Variants in TSPEAR observed in about 807,000 individuals in gnomAD.
TSPEAR encodes the protein thrombospondin-type laminin G domain and EAR repeat-containing protein.
A neutral mutation model predicts 71.6 loss-of-function variants in TSPEAR; 69 were observed. The observed-to-expected ratio is 0.96, with a 90% CI of 0.79 to 1.18. The LOEUF (loss-of-function observed/expected upper bound fraction) is 1.18, where lower values mean the gene tolerates loss of function less well. Ranked by LOEUF, TSPEAR falls within the 50% of genes most tolerant of loss-of-function variation. The pLI is 0.00. For missense variants in TSPEAR, 971 were observed against 894.9 expected (o/e 1.09, Z -1.09); for synonymous variants, 402 against 387.2 (o/e 1.04, Z -0.45).
chr21:44,553,278 C>T (rs1369154790), intron 2 of TSPEAR, among the ~76,000 whole-genome samples: 1 of 152,158 alleles, frequency 6.6e-6, no homozygotes, highest in African/African-American at 2.4e-5. Context: ...GTGACAGAAC[C>T]AGGACTAGAA....
At chr21:44,676,452 G>A in intron 1 of TSPEAR, 6 of 1,059,868 alleles carry the variant, frequency 5.7e-6, no homozygotes, top group East Asian at 4.7e-5. Context: ...AGGCTTTTCT[G>A]GCTTCCTCTT....
intron 1 of TSPEAR, among the ~76,000 whole-genome samples, chr21:44,589,926 C>T (rs999813398): frequency 6.6e-6 from 1 of 152,232 alleles, no homozygotes; most frequent in African/African-American, 2.4e-5. Flanking sequence ...CCCGGAGAAC[C>T]AGGGCAGGAA....
At chr21:44,523,232 AGTCAGGTAGTTGGTCAG>A (rs1555914514) in intron 8 of TSPEAR, among the ~76,000 whole-genome samples, 1 of 151,370 alleles carries the variant, frequency 6.6e-6, no homozygotes. Flanking sequence ...TTAATTTGTC[AGTCAGGTAGTTGGTCAG>A]TCAGTCAGTT....
chr21:44,540,001 C>T lies in TSPEAR; in HGVS notation c.304-6078G>A, dbSNP rs782031128. ...GGCAGCAGGGGCTGGACACACGGCT[C>T]ACTGGGGTGCAGACCAGGGTCAGGC... On this transcript the variant is annotated intron_variant, in intron 2 of 11. Coordinates refer to ENST00000323084, the MANE Select transcript of TSPEAR (RefSeq NM_144991.3). The T allele has an allele frequency of 3.5e-5, 56 of 1,612,934 alleles. No homozygotes were observed. The Admixed American group carries it at 7.3e-4, about 21-fold the overall frequency.
rs1272674125 is a variant in TSPEAR at position 44,687,802 on chromosome 21, C to T, written c.82+23631G>A. Among the ~76,000 whole-genome samples, 1 of 152,162 alleles carries T rather than the reference C, an allele frequency of 6.6e-6. No individual in the cohort carries two copies. Among genetic ancestry groups the T allele is most frequent in the African/African-American group, 2.4e-5 (1 of 41,422 alleles). ...GATTGGCAAACTTCGTCAAATGATACCCTTGAGATTTGAATCATTTCACAT... is the reference window on the plus strand; with the variant it reads ...GATTGGCAAACTTCGTCAAATGATATCCTTGAGATTTGAATCATTTCACAT... On this transcript the variant is annotated intron_variant, in intron 1 of 11. Coordinates refer to ENST00000323084, the MANE Select transcript of TSPEAR (RefSeq NM_144991.3). The surrounding 1 kb of genome is among the most constrained non-coding windows in gnomAD (Gnocchi z 4.4).
At chr21:44,574,727 C>A in intron 1 of TSPEAR, 1 of 1,609,152 alleles carries the variant, frequency 6.2e-7, no homozygotes, top group Non-Finnish European at 8.5e-7. Flanking sequence ...CCGTCTGCTG[C>A]AAGCCTGTGA....
Position 44,612,755 on chromosome 21 carries a change from C to T in TSPEAR, c.83-44750G>A. The T allele has an allele frequency of 6.2e-7, 1 of 1,613,816 alleles. No homozygotes were observed. The highest frequency in any genetic ancestry group is 8.5e-7 in the Non-Finnish European group (1 of 1,179,940). ...CCTCCTCTGCCGCCCTGTGTGCCGG[C>T]CTGCCTGCTGTGTGCCTGTCCCCTC... On this transcript the variant is annotated intron_variant, in intron 1 of 11. Transcript: ENST00000323084. The surrounding 1 kb of genome is among the most constrained non-coding windows in gnomAD (Gnocchi z 4.1).
intron 1 of TSPEAR, among the ~76,000 whole-genome samples, chr21:44,597,326 T>C (rs1980425725): frequency 6.6e-6 from 1 of 152,136 alleles, no homozygotes; most frequent in Non-Finnish European, 1.5e-5. Context: ...CTACTTTTTC[T>C]GATATTCATA....
intron 1 of TSPEAR, among the ~76,000 whole-genome samples, chr21:44,635,345 C>CAAAAAAA (rs56054652): frequency 6.0e-5 from 5 of 83,872 alleles, no homozygotes; most frequent in Non-Finnish European, 8.9e-5. Context: ...GACTCTGTCT[C>CAAAAAAA]AAAAAAAAAA....
At chr21:44,682,258 T>G in intron 1 of TSPEAR, 1 of 1,046,870 alleles carries the variant, frequency 9.6e-7, no homozygotes, top group Non-Finnish European at 1.4e-6. Flanking sequence ...CTTGTTTTTC[T>G]TCCTCAAGGC....
intron 1 of TSPEAR, among the ~76,000 whole-genome samples, chr21:44,680,271 C>T (rs973855128): frequency 2.6e-5 from 4 of 151,874 alleles, no homozygotes; most frequent in African/African-American, 7.3e-5. Context: ...TACAAATGGC[C>T]AACAGGTATA....
chr21:44,555,132 C>T (rs587713535), intron 2 of TSPEAR, among the ~76,000 whole-genome samples: 9 of 152,158 alleles, frequency 5.9e-5, no homozygotes, highest in South Asian at 2.1e-4. Context: ...CCGAAACAGG[C>T]GGAAACCTCA....
chr21:44,637,788 C>T, intron 1 of TSPEAR: 4 of 1,362,038 alleles, frequency 2.9e-6, no homozygotes, highest in Admixed American at 2.1e-5. Context: ...GAGTCTTCCC[C>T]TTCATGCTGC....
At chr21:44,560,795 A>T (rs1555920898) in intron 2 of TSPEAR, among the ~76,000 whole-genome samples, 1 of 152,208 alleles carries the variant, frequency 6.6e-6, no homozygotes, top group African/African-American at 2.4e-5. Flanking sequence ...GAGAACAAAG[A>T]GACAATGTCC....
chr21:44,600,287 G>T (rs1980699556), intron 1 of TSPEAR, among the ~76,000 whole-genome samples: 1 of 152,096 alleles, frequency 6.6e-6, no homozygotes. Flanking sequence ...AGGCCCCTGG[G>T]ACACTCTATT....
At chr21:44,589,816 G>A (rs1294234615) in intron 1 of TSPEAR, among the ~76,000 whole-genome samples, 1 of 152,218 alleles carries the variant, frequency 6.6e-6, no homozygotes, top group African/African-American at 2.4e-5. Context: ...GCCATCAGTG[G>A]GCATAGTGAG....
intron 2 of TSPEAR, among the ~76,000 whole-genome samples, chr21:44,538,196 T>G (rs1019851418): frequency 6.6e-6 from 1 of 152,130 alleles, no homozygotes; most frequent in Non-Finnish European, 1.5e-5. Flanking sequence ...TCTCACAGTC[T>G]GAGGACTGAC....
At chr21:44,504,404 G>GT (rs2052144327) in intron 11 of TSPEAR, among the ~76,000 whole-genome samples, 2 of 120,340 alleles carry the variant, frequency 1.7e-5, no homozygotes, top group Non-Finnish European at 1.7e-5. Context: ...GTGAGCCCTC[G>GT]GGGGAAGCAA....
intron 9 of TSPEAR, chr21:44,517,261 C>A (rs1213353082): frequency 6.4e-6 from 1 of 155,682 alleles, no homozygotes; most frequent in Non-Finnish European, 1.4e-5. Context: ...ACTTCCAGTT[C>A]TGATCTTCTC....
Sources: gnomAD v4.1 joint callset for allele counts (sites outside exome capture counted in the v4.1 genomes callset) on GRCh38, gnomAD v4.1.1 for gene constraint, Gnocchi (gnomAD v3.1) non-coding constraint, MANE v1.5 for transcripts, NCBI Gene and HGNC (gene_info 2026-07-23, HGNC 2026-07-21) for gene names.